Variants in NEGR1 observed in about 807,000 individuals in gnomAD.
The protein encoded by NEGR1 is neuronal growth regulator 1, also known as IgLON family member 4.
Under a neutral mutation model 40.9 loss-of-function variants are expected in NEGR1, and 10 were observed. The ratio of observed to expected loss-of-function variants is 0.24; its 90% CI spans 0.15 to 0.42. The LOEUF is 0.42. Among genes scored for constraint, NEGR1 ranks in the 10% least tolerant of loss-of-function variants. The pLI is 1.00. For synonymous variants in NEGR1, 185 were observed against 166.8 expected, an observed-to-expected ratio of 1.11 and a Z score of -0.84; for missense variants, 352 against 438.9, an observed-to-expected ratio of 0.80 and a Z score of 1.77.
chr1:72,079,035 TA>T (rs1647872258), intron 1 of NEGR1, among the ~76,000 whole-genome samples: 1 of 150,098 alleles, frequency 6.7e-6, no homozygotes, highest in African/African-American at 2.4e-5. Flanking sequence ...ATTTAGATTT[TA>T]AACAAATGAG....
At chr1:71,485,363 C>T (rs1227438764) in intron 6 of NEGR1, among the ~76,000 whole-genome samples, 1 of 151,514 alleles carries the variant, frequency 6.6e-6, no homozygotes, top group Non-Finnish European at 1.5e-5. Flanking sequence ...ATCCCCTATG[C>T]ATAGAATCCC....
intron 6 of NEGR1, among the ~76,000 whole-genome samples, chr1:71,448,252 G>C (rs947723345): frequency 1.3e-5 from 2 of 149,534 alleles, no homozygotes; most frequent in Admixed American, 6.7e-5. Flanking sequence ...AAAAGACACA[G>C]AGAGAGAGAG....
chr1:71,650,486 T>C (rs535583495), intron 4 of NEGR1, among the ~76,000 whole-genome samples: 36 of 152,306 alleles, frequency 2.4e-4, no homozygotes, highest in Admixed American at 2.2e-3. Context: ...TGTGAAGATA[T>C]AAATGCAAAA....
chr1:71,917,226 G>A (rs563435368), intron 2 of NEGR1, among the ~76,000 whole-genome samples: 11 of 152,226 alleles, frequency 7.2e-5, no homozygotes, highest in African/African-American at 2.6e-4. Flanking sequence ...GAATCATACC[G>A]AATTAAATTG....
chr1:71,645,303 A>G (rs1394230267), intron 4 of NEGR1, among the ~76,000 whole-genome samples: 7 of 152,132 alleles, frequency 4.6e-5, no homozygotes, highest in Admixed American at 3.9e-4. Context: ...GTTGACTGTT[A>G]GGTAAATAAA....
intron 2 of NEGR1, among the ~76,000 whole-genome samples, chr1:71,924,636 T>TG (rs1327843673): frequency 6.6e-5 from 10 of 152,210 alleles, no homozygotes; most frequent in African/African-American, 2.4e-4. Context: ...AACTCTTGTT[T>TG]GGGTTTGGCA....
At chr1:71,872,982 A>G (rs1168882558) in intron 2 of NEGR1, among the ~76,000 whole-genome samples, 1 of 152,014 alleles carries the variant, frequency 6.6e-6, no homozygotes, top group Non-Finnish European at 1.5e-5. Flanking sequence ...GACTTAACCG[A>G]TGTTTCACAC....
chr1:71,928,441 T>C (rs988584065), intron 2 of NEGR1, among the ~76,000 whole-genome samples: 2 of 121,136 alleles, frequency 1.7e-5, no homozygotes, highest in African/African-American at 5.8e-5. Context: ...TATATACACA[T>C]ATATATGTAT....
intron 6 of NEGR1, among the ~76,000 whole-genome samples, chr1:71,413,937 T>A (rs1646339384): frequency 6.6e-6 from 1 of 152,202 alleles, no homozygotes; most frequent in African/African-American, 2.4e-5. Context: ...GTGAAATATT[T>A]AGTTTTGGTA....
intron 1 of NEGR1, among the ~76,000 whole-genome samples, chr1:72,258,972 A>G (rs1456830691): frequency 6.6e-6 from 1 of 152,170 alleles, no homozygotes; most frequent in African/African-American, 2.4e-5. Context: ...GGAAGAAAAA[A>G]GTATGGAAGG....
intron 2 of NEGR1, among the ~76,000 whole-genome samples, chr1:71,888,545 A>T (rs1376030276): frequency 2.0e-4 from 30 of 150,812 alleles, no homozygotes; most frequent in Non-Finnish European, 4.0e-4. Flanking sequence ...ACTATATCCC[A>T]CACCTGGCTG....
chr1:71,704,438 A>T (rs1653817969), intron 3 of NEGR1, among the ~76,000 whole-genome samples: 1 of 152,016 alleles, frequency 6.6e-6, no homozygotes, highest in Admixed American at 6.6e-5. Context: ...ACAAGTTACC[A>T]ATTATCAGAA....
intron 4 of NEGR1, among the ~76,000 whole-genome samples, chr1:71,667,593 A>G (rs1341860718): frequency 1.3e-5 from 2 of 152,180 alleles, no homozygotes; most frequent in Admixed American, 6.5e-5. Flanking sequence ...CTTAAAGAAA[A>G]TAGTCTTTTA....
At position 71,997,075 on chromosome 1, in the gene NEGR1, C is replaced by T. The variant is rs1646511136; in HGVS notation, c.177-61764G>A. 2.6e-5 allele frequency among the ~76,000 whole-genome samples: 4 copies of T among 151,982 alleles called. No homozygotes were observed. The South Asian group carries it at 8.3e-4, about 32-fold the overall frequency. On this transcript the variant is annotated intron_variant, in intron 1 of 6. Coordinates refer to ENST00000357731, the MANE Select transcript of NEGR1 (RefSeq NM_173808.3). ...AATGTCACCTCTATTTGATGTGTTC[C>T]CAACTAAATATCAAGGCTTTGTTTC...
At chr1:71,633,071 T>A (rs1447674597) in intron 4 of NEGR1, among the ~76,000 whole-genome samples, 1 of 152,092 alleles carries the variant, frequency 6.6e-6, no homozygotes, top group African/African-American at 2.4e-5. Context: ...TTCTATAAAG[T>A]TTTTACTTTC....
intron 1 of NEGR1, among the ~76,000 whole-genome samples, chr1:72,197,735 C>A (rs544272918): frequency 6.6e-6 from 1 of 152,062 alleles, no homozygotes; most frequent in Admixed American, 6.6e-5. Context: ...TCCCAACCTA[C>A]AGACCTAAAA....
At chr1:71,768,126 C>T (rs536670212) in intron 3 of NEGR1, among the ~76,000 whole-genome samples, 3 of 152,300 alleles carry the variant, frequency 2.0e-5, no homozygotes, top group Admixed American at 1.3e-4. Flanking sequence ...GGGTCAGAGC[C>T]GCCACACAGA....
intron 2 of NEGR1, among the ~76,000 whole-genome samples, chr1:71,828,645 C>T (rs1658728694): frequency 6.6e-6 from 1 of 151,832 alleles, no homozygotes; most frequent in South Asian, 2.1e-4. Context: ...CTGTGGGATA[C>T]AAGTCCACAT....
chr1:72,119,082 C>T (rs903157139), intron 1 of NEGR1, among the ~76,000 whole-genome samples: 2 of 151,758 alleles, frequency 1.3e-5, no homozygotes, highest in African/African-American at 4.8e-5. Context: ...TGTTACTTTA[C>T]TTATTCTAAT....
Sources: allele counts gnomAD v4.1 joint callset (sites outside exome capture counted in the v4.1 genomes callset), GRCh38; gene constraint gnomAD v4.1.1; transcripts MANE v1.5; gene names NCBI Gene and HGNC (gene_info 2026-07-23, HGNC 2026-07-21).